The following PKHD1L1 variants were observed in gnomAD, a reference collection of about 807,000 sequenced individuals.
PKHD1L1 encodes the protein PKHD1 like 1, also known as fibrocystin-L.
A neutral mutation model predicts 462.9 loss-of-function variants in PKHD1L1; 434 were observed. The observed-to-expected ratio is 0.94, with a 90% CI of 0.87 to 1.02. The LOEUF (loss-of-function observed/expected upper bound fraction) is 1.02. Ranked by LOEUF, PKHD1L1 falls within the 50% of genes least tolerant of loss-of-function variation. PKHD1L1 has a pLI of 0.00. For missense variants in PKHD1L1, 5,202 were observed against 5,096.1 expected (o/e 1.02, Z -0.63); for synonymous variants, 1,781 against 1,750.0 (o/e 1.02, Z -0.44).
chr8:109,512,531 C>G (rs1487991296), intron 71 of PKHD1L1, among the ~76,000 whole-genome samples: 1 of 151,934 alleles, frequency 6.6e-6, no homozygotes, highest in Non-Finnish European at 1.5e-5. Flanking sequence ...TTTCTGAGGG[C>G]TCTGTTCTGT....
chr8:109,515,893 C>T (rs1020067479), intron 72 of PKHD1L1, among the ~76,000 whole-genome samples: 4 of 152,140 alleles, frequency 2.6e-5, no homozygotes, highest in African/African-American at 7.2e-5. Context: ...CAATAGCATA[C>T]ATTCCATTCC....
intron 33 of PKHD1L1, 119 bp from the exon 34 acceptor site, chr8:109,441,156 G>T: frequency 1.4e-6 from 1 of 719,268 alleles, no homozygotes; most frequent in African/African-American, 1.8e-5. Flanking sequence ...TGCTATATAA[G>T]GCAGAGTTTT....
chr8:109,407,688 A>C (rs1457570397), intron 17 of PKHD1L1, among the ~76,000 whole-genome samples: 1 of 152,198 alleles, frequency 6.6e-6, no homozygotes, highest in Non-Finnish European at 1.5e-5. Context: ...GAGCATTTGC[A>C]CTAAAATAAT....
At chr8:109,396,212 A>G (rs903596660) in intron 11 of PKHD1L1, 75 bp downstream of exon 11, 1 of 1,042,778 alleles carries the variant, frequency 9.6e-7, no homozygotes, top group Admixed American at 2.2e-5. Context: ...TGTAATAATA[A>G]TAATAGTCTT....
chr8:109,446,669 G>A (rs1816159951), intron 38 of PKHD1L1, among the ~76,000 whole-genome samples: 1 of 152,054 alleles, frequency 6.6e-6, no homozygotes, highest in Non-Finnish European at 1.5e-5. Flanking sequence ...TTCCCATGTG[G>A]TTGTAATCAT....
At chr8:109,515,421 A>G in intron 72 of PKHD1L1, 116 bp downstream of exon 72, 2 of 888,738 alleles carry the variant, frequency 2.3e-6, no homozygotes, top group East Asian at 3.2e-5. Flanking sequence ...GAAGAAAACA[A>G]GTTTTTAGCC....
rs371027565 is a variant in PKHD1L1 at position 109,454,158 on chromosome 8, G to T, written c.6665-9G>T. Reference sequence around the variant, plus strand: ...CTTGTGATGTATTTCAAAATTGTATGATTCATAGGTGGGACTCTAATATTT... The same window carrying T: ...CTTGTGATGTATTTCAAAATTGTATTATTCATAGGTGGGACTCTAATATTT... On this transcript the variant is annotated splice_polypyrimidine_tract_variant and intron_variant, in intron 43 of 77. Transcript: ENST00000378402. 87 of 1,581,446 alleles carry T rather than the reference G, an allele frequency of 5.5e-5. 1 individual carries two copies. The highest frequency in any genetic ancestry group is 6.8e-5 in the Non-Finnish European group (79 of 1,162,428).
chr8:109,527,368 G>A (rs1416144981), intron 77 of PKHD1L1, among the ~76,000 whole-genome samples: 2 of 152,090 alleles, frequency 1.3e-5, no homozygotes, highest in Non-Finnish European at 2.9e-5. Flanking sequence ...GCTGGGCATG[G>A]TGGTGGGCAA....
Position 109,508,287 on chromosome 8 carries a change from C to T in PKHD1L1, c.11395+23C>T, listed in dbSNP as rs1554595504. ...ATGGTAGGTATTCAATATGAGTAAA[C>T]TACAATTACTCAAAACATTGCTTGT... On this transcript the variant is annotated intron_variant, in intron 70 of 77. Coordinates refer to ENST00000378402, the MANE Select transcript of PKHD1L1 (RefSeq NM_177531.6). 2.6e-6 allele frequency: 4 copies of T among 1,568,158 alleles called. No homozygotes were observed. The South Asian group carries it at 3.5e-5, about 14-fold the overall frequency.
chr8:109,384,035 G>C (rs773834722), intron 4 of PKHD1L1, 35 bp from the exon 5 acceptor site: 11 of 1,401,950 alleles, frequency 7.8e-6, no homozygotes, highest in African/African-American at 2.9e-5. Flanking sequence ...ACAAAACAGA[G>C]ATAAGTTTTC....
rs148013158 is a variant in PKHD1L1, at chr8:109,414,243, T to C, written c.2360+698T>C. The stretch of plus-strand genomic sequence containing the variant: ...AGACATACACAGAGACACATACCTT[T>C]CTATTTTATACAGTACTCCCCATAC... On this transcript the variant is annotated intron_variant, in intron 21 of 77. Coordinates refer to ENST00000378402, the MANE Select transcript of PKHD1L1 (RefSeq NM_177531.6). Among the ~76,000 whole-genome samples the C allele has an allele frequency of 4.9e-4, 74 of 152,318 alleles. 1 individual carries two copies. In the East Asian group the frequency reaches 0.013, roughly 28 times the overall value.
At chr8:109,451,231 T>A in intron 41 of PKHD1L1, 82 bp downstream of exon 41, 1 of 1,404,726 alleles carries the variant, frequency 7.1e-7, no homozygotes, top group East Asian at 2.5e-5. Flanking sequence ...GCCCGGACAG[T>A]GCAGAAATAC....
intron 46 of PKHD1L1, among the ~76,000 whole-genome samples, chr8:109,456,713 A>G (rs1157333160): frequency 1.3e-5 from 2 of 152,200 alleles, no homozygotes; most frequent in Non-Finnish European, 2.9e-5. Context: ...TTTGACTACT[A>G]AAAGTCATTT....
intron 68 of PKHD1L1, among the ~76,000 whole-genome samples, chr8:109,505,058 C>T (rs1220915921): frequency 6.6e-6 from 1 of 151,716 alleles, no homozygotes; most frequent in Non-Finnish European, 1.5e-5. Context: ...TTATTATTAT[C>T]ATTATTATTT....
rs562452743 is a variant in PKHD1L1, at chr8:109,518,262, C to G, written c.11785C>G (p.Pro3929Ala). The G allele has an allele frequency of 6.2e-7, 1 of 1,610,770 alleles. No individual in the cohort carries two copies. Among genetic ancestry groups the G allele is most frequent in the South Asian group, 1.1e-5 (1 of 91,010 alleles). Residue 3929 changes from proline (P) to alanine (A), a missense_variant, in exon 73 of 78, where the codon CCT becomes GCT. Transcript: ENST00000378402. Reference protein sequence around the residue: ...MLYLLVKGTIPVEIHTATVIF... With the variant: ...MLYLLVKGTIAVEIHTATVIF... Reference sequence around the variant, plus strand: ...TTATCTTTTGGTTAAAGGAACTATACCTGTTGAAATTCACACTGCCACAGT... The same window carrying G: ...TTATCTTTTGGTTAAAGGAACTATAGCTGTTGAAATTCACACTGCCACAGT...
intron 16 of PKHD1L1, among the ~76,000 whole-genome samples, chr8:109,405,759 G>A (rs1410840680): frequency 2.0e-5 from 3 of 152,072 alleles, no homozygotes; most frequent in African/African-American, 7.2e-5. Flanking sequence ...TAATACCTAG[G>A]TGATGATGGG....
intron 2 of PKHD1L1, among the ~76,000 whole-genome samples, chr8:109,376,938 T>A (rs536794058): frequency 6.6e-6 from 1 of 152,342 alleles, no homozygotes; most frequent in South Asian, 2.1e-4. Context: ...CACTGGCACC[T>A]GCCACGTAGC....
chr8:109,442,165 T>G lies in PKHD1L1; in HGVS notation c.4363T>G (p.Phe1455Val). The G allele has an allele frequency of 1.9e-6, 3 of 1,612,734 alleles. No homozygotes were observed. Among genetic ancestry groups the G allele is most frequent in the Non-Finnish European group, 8.5e-7 (1 of 1,179,352 alleles). ...AAGTGTAATTTATGATGGCAAAGGA[T>G]TCACAAGTGGAAGACAAAAATCTAC... The part of the protein sequence containing the change: ...PGSVIYDGKG[F>V]TSGRQKSTSG... Residue 1455 changes from phenylalanine to valine, a missense_variant, in exon 35 of 78, where the codon TTC (phenylalanine) becomes GTC (valine). Physicochemically the swap from Phe to Val is conservative, Grantham distance 50. This residue lies in a region of PKHD1L1 where 4,497 missense variants were observed against 4,336.8 expected (regional missense o/e 1.04). Coordinates refer to ENST00000378402, the MANE Select transcript of PKHD1L1 (RefSeq NM_177531.6).
Position 109,450,477 on chromosome 8 carries a change from A to T in PKHD1L1, c.6176-498A>T, listed in dbSNP as rs190451899. Among the ~76,000 whole-genome samples, 71 of 150,970 alleles carry T rather than the reference A, an allele frequency of 4.7e-4. 1 individual carries two copies. In the South Asian group the frequency reaches 5.9e-3, roughly 12 times the overall value. ...ACCAGAGTTTGAATCCTGATTAAAA[A>T]ATATATATATATATAGCAATGCTTT... On this transcript the variant is annotated intron_variant, in intron 40 of 77. Coordinates refer to ENST00000378402, the MANE Select transcript of PKHD1L1 (RefSeq NM_177531.6).
Sources: allele counts gnomAD v4.1 joint callset (sites outside exome capture counted in the v4.1 genomes callset), GRCh38; gene constraint gnomAD v4.1.1; regional missense constraint gnomAD v4.1.1; transcripts MANE v1.5; gene names NCBI Gene and HGNC (gene_info 2026-07-23, HGNC 2026-07-21).